Variants in MCFD2 observed in about 807,000 individuals in gnomAD.
MCFD2 encodes multiple coagulation factor deficiency protein 2.
Under a neutral mutation model 12.8 loss-of-function variants are expected in MCFD2, and 11 were observed. The ratio of observed to expected loss-of-function variants is 0.86; its 90% CI spans 0.54 to 1.42. The LOEUF is 1.42. Ranked by LOEUF, MCFD2 falls within the 40% of genes most tolerant of loss-of-function variation. The probability of loss-of-function intolerance (pLI) is 0.00; values close to 1 mark genes in which losing one functional copy is unlikely to be tolerated. For synonymous variants in MCFD2, 70 were observed against 68.1 expected, an observed-to-expected ratio of 1.03 and a Z score of -0.14; for missense variants, 191 against 178.6, an observed-to-expected ratio of 1.07 and a Z score of -0.40.
At chr2:46,933,277 T>C (rs1205481468) in intron 1 of MCFD2, among the ~76,000 whole-genome samples, 1 of 152,192 alleles carries the variant, frequency 6.6e-6, no homozygotes, top group Non-Finnish European at 1.5e-5. Context: ...GGAGAGATAT[T>C]GGTATCTCAA....
chr2:46,916,314 C>T, upstream of MCFD2: 2 of 368,920 alleles, frequency 5.4e-6, no homozygotes, highest in Non-Finnish European at 7.5e-6. Flanking sequence ...CTTCCAGCGT[C>T]TGCCAGCTCC....
At chr2:46,934,917 C>T (rs1382935326) in intron 1 of MCFD2, among the ~76,000 whole-genome samples, 1 of 150,416 alleles carries the variant, frequency 6.6e-6, no homozygotes, top group Admixed American at 6.7e-5. Flanking sequence ...TCTCTTGCCT[C>T]AGCCTCCTGA....
intron 1 of MCFD2, among the ~76,000 whole-genome samples, chr2:46,927,651 C>T (rs117646530): frequency 0.077 from 11,696 of 151,352 alleles, 618 homozygotes; most frequent in Non-Finnish European, 0.11. Context: ...TGAGCTACCG[C>T]GCCCGGCAAA....
chr2:46,917,130 C>T, upstream of MCFD2: 1 of 699,044 alleles, frequency 1.4e-6, no homozygotes, highest in East Asian at 2.7e-5. Context: ...AAATCTGCCA[C>T]CCCATCCCAG....
In MCFD2 at chr2:46,941,377, T is replaced by TGCTGCTGCCCACCCTCCGCCGCC; in HGVS notation, c.-8+172_-8+194dup. Reference sequence around the variant, plus strand: ...TGGGAGCTGCTGGTGCTGCTGCTGCTGCTGCTGCCCACCCTCCGCCGCCCG... The same window carrying TGCTGCTGCCCACCCTCCGCCGCC: ...TGGGAGCTGCTGGTGCTGCTGCTGCTGCTGCTGCCCACCCTCCGCCGCCGCTGCTGCCCACCCTCCGCCGCCCG... On this transcript the variant is annotated intron_variant, in intron 1 of 2. Transcript: ENST00000409147. The surrounding 1 kb of genome is among the most constrained non-coding windows in gnomAD (Gnocchi z 4.2). 4.3e-6 allele frequency: 2 copies of TGCTGCTGCCCACCCTCCGCCGCC among 463,444 alleles called. No homozygotes were observed. The highest frequency in any genetic ancestry group is 1.3e-4 in the East Asian group (2 of 14,892). 28.7% of individuals were successfully genotyped at this position (463,444 alleles called of 1,614,324 possible). A position where few individuals can be genotyped will look rare whatever the true frequency, so the allele number is the denominator to read the frequency against.
At chr2:46,919,653 AC>A (rs1363143403), upstream of MCFD2, among the ~76,000 whole-genome samples, 3 of 152,230 alleles carry the variant, frequency 2.0e-5, no homozygotes, top group African/African-American at 7.2e-5. Context: ...CTGGTTAACA[AC>A]AGTCTCTTGC....
In MCFD2 at chr2:46,941,798, C is replaced by A; in HGVS notation, c.-234G>T. ...CACCGCCTCCTCCAGGAAGCGCGCC[C>A]AGACAGTCCTCGGCCGACAGCGGGC... is the stretch of plus-strand genomic sequence containing the variant. On this transcript the variant is annotated 5_prime_UTR_variant, in exon 1 of 3. Transcript: ENST00000409147. This position sits in a 1 kb window ranked among gnomAD's most constrained non-coding sequence, Gnocchi z 4.2. The A allele has an allele frequency of 6.5e-7, 1 of 1,533,082 alleles. No homozygotes were observed. Among genetic ancestry groups the A allele is most frequent in the South Asian group, 1.2e-5 (1 of 82,856 alleles). 95.0% of individuals were successfully genotyped at this position (1,533,082 alleles called of 1,614,324 possible).
At position 46,905,502 on chromosome 2, in the gene MCFD2, T is replaced by C. The variant is rs893121887; in HGVS notation, c.402A>G (p.Gly134=). Reference sequence around the variant, plus strand: ...TTGCAAATTCAGCATAGTCAATGTATCCATCATTGTTCTTGTCATCATCTC... The same window carrying C: ...TTGCAAATTCAGCATAGTCAATGTACCCATCATTGTTCTTGTCATCATCTC... The part of the protein sequence containing the change: ...VLRDDDKNND[G]YIDYAEFAKS... The change falls in exon 4 of 4, where the codon GGA becomes GGG. Residue 134 remains glycine (G), a synonymous_variant. Transcript: ENST00000319466. 6.2e-7 allele frequency: 1 copy of C among 1,612,974 alleles called. No homozygotes were observed. The highest frequency in any genetic ancestry group is 1.3e-5 in the African/African-American group (1 of 74,868).
intron 1 of MCFD2, among the ~76,000 whole-genome samples, chr2:46,927,476 C>T (rs1325127239): frequency 6.6e-6 from 1 of 151,438 alleles, no homozygotes; most frequent in Non-Finnish European, 1.5e-5. Flanking sequence ...CCCACCTCAA[C>T]CTCCAGAGTA....
At chr2:46,917,176 T>C, upstream of MCFD2, 1 of 701,778 alleles carries the variant, frequency 1.4e-6, no homozygotes, top group South Asian at 1.5e-5. Context: ...TTTTTTCTTT[T>C]TTTAAAGAAA....
upstream of MCFD2, chr2:46,916,450 A>G (rs1668793901): frequency 6.6e-6 from 1 of 152,406 alleles, no homozygotes; most frequent in African/African-American, 2.4e-5. Context: ...TTGACATTCA[A>G]GAGAGGACAG....
At chr2:46,906,721 C>T (rs762821910) in intron 3 of MCFD2, among the ~76,000 whole-genome samples, 1 of 152,062 alleles carries the variant, frequency 6.6e-6, no homozygotes, top group Non-Finnish European at 1.5e-5. Flanking sequence ...CTCCTGGGCT[C>T]AAGCGATCCT....
At position 46,907,837 on chromosome 2, in the gene MCFD2, G is replaced by A. The variant is rs1403405649; in HGVS notation, c.282C>T (p.Ser94=). ...CCTTATGGACATGAGTGATGGCTGT[G>A]GAGAGTTCTAAGCCATCAAGCAAAT... ...GNNLLDGLEL[S]TAITHVHKEE... The change falls in exon 3 of 4, where the codon TCC becomes TCT. Residue 94 remains serine, a synonymous_variant. Transcript: ENST00000319466. The surrounding 1 kb of genome is among the most constrained non-coding windows in gnomAD (Gnocchi z 4.1). 1.2e-6 allele frequency: 2 copies of A among 1,614,050 alleles called. No individual in the cohort carries two copies. The highest frequency in any genetic ancestry group is 1.7e-5 in the Admixed American group (1 of 60,004).
intron 1 of MCFD2, 92 bp from the exon 2 acceptor site, chr2:46,909,269 T>A: frequency 7.1e-7 from 1 of 1,417,416 alleles, no homozygotes; most frequent in Non-Finnish European, 9.8e-7. Flanking sequence ...GGAAACCTGA[T>A]GAAGCAGTAA....
At chr2:46,910,355 A>G (rs991782667) in intron 1 of MCFD2, among the ~76,000 whole-genome samples, 1 of 152,172 alleles carries the variant, frequency 6.6e-6, no homozygotes, top group Non-Finnish European at 1.5e-5. Context: ...CCTACATACA[A>G]AAACAAAAGA....
At chr2:46,921,094 A>G (rs1669081033) in intron 1 of MCFD2, among the ~76,000 whole-genome samples, 1 of 152,170 alleles carries the variant, frequency 6.6e-6, no homozygotes, top group South Asian at 2.1e-4. Flanking sequence ...CTTTTCCCTT[A>G]ATATCAGGAA....
At chr2:46,929,232 C>G (rs1669566172) in intron 1 of MCFD2, among the ~76,000 whole-genome samples, 1 of 152,016 alleles carries the variant, frequency 6.6e-6, no homozygotes, top group Non-Finnish European at 1.5e-5. Flanking sequence ...GCATGTAATC[C>G]TAGCACTTTG....
upstream of MCFD2, among the ~76,000 whole-genome samples, chr2:46,918,646 A>T (rs1420289438): frequency 6.6e-6 from 1 of 152,234 alleles, no homozygotes; most frequent in Non-Finnish European, 1.5e-5. Context: ...TGTATGTCAA[A>T]CTGGAAAGTT....
chr2:46,940,768 T>C lies in MCFD2; in HGVS notation c.-8+804A>G, dbSNP rs1262843290. ...GAACGGGCCTGGGTCCTCGCGAGCA[T>C]GCCTGGCCCGCATCGCAACAGGGCG... On this transcript the variant is annotated intron_variant, in intron 1 of 2. Coordinates refer to the MCFD2 transcript ENST00000409147. This position sits in a 1 kb window ranked among gnomAD's most constrained non-coding sequence, Gnocchi z 4.7. 1.3e-5 allele frequency among the ~76,000 whole-genome samples: 2 copies of C among 152,182 alleles called. No individual in the cohort carries two copies. Among genetic ancestry groups the C allele is most frequent in the Non-Finnish European group, 2.9e-5 (2 of 68,036 alleles).
Sources: gnomAD v4.1 joint callset for allele counts (sites outside exome capture counted in the v4.1 genomes callset) on GRCh38, gnomAD v4.1.1 for gene constraint, Gnocchi (gnomAD v3.1) non-coding constraint, MANE v1.5 for transcripts, NCBI Gene and HGNC (gene_info 2026-07-23, HGNC 2026-07-21) for gene names.